RAB4A: variants seen among roughly 807,000 people sequenced by gnomAD.
RAB4A encodes the protein ras-related protein Rab-4A.
Under a neutral mutation model 34.5 loss-of-function variants are expected in RAB4A, and 20 were observed. The observed-to-expected ratio is 0.58, with a 90% confidence interval of 0.41 to 0.84. The LOEUF (loss-of-function observed/expected upper bound fraction) is 0.84. Ranked by LOEUF, RAB4A falls within the 40% of genes least tolerant of loss-of-function variation. RAB4A has a pLI of 0.00. For synonymous variants in RAB4A, 102 were observed against 100.0 expected (o/e 1.02, Z -0.12); for missense variants, 228 against 274.5 (o/e 0.83, Z 1.20).
rs142049836 is a variant in RAB4A, at chr1:229,272,914, C to T, written c.31+1544C>T. Among the ~76,000 whole-genome samples the T allele has an allele frequency of 2.6e-3, 392 of 152,322 alleles. 10 individuals are homozygous for T. Among genetic ancestry groups the T allele is most frequent in the Admixed American group, 0.023 (355 of 15,298 alleles). On this transcript the variant is annotated intron_variant, in intron 1 of 7. Coordinates refer to ENST00000366690, the MANE Select transcript of RAB4A (RefSeq NM_004578.4). ...AAATCCTCCAGTAAGTCGATGCCTT[C>T]ATCAGGACAAGTGTTTGCAAATGTT...
rs985674073 is a variant in RAB4A at position 229,271,188 on chromosome 1, G to A, written c.-152G>A. 9 of 730,546 alleles carry A rather than the reference G, an allele frequency of 1.2e-5. No homozygotes were observed. The highest frequency in any genetic ancestry group is 4.7e-4 in the Middle Eastern group (1 of 2,110). The allele number at this position is 730,546 out of a possible 1,614,324, so 45.3% of individuals were successfully genotyped here. A position where few individuals can be genotyped will look rare whatever the true frequency, so the allele number is the denominator to read the frequency against. The stretch of plus-strand genomic sequence containing the variant: ...CGCGGAGCTGGAGTCCGGCTGGGCC[G>A]CAGCCGCTGGGAGACCGGCGGTTGC... On this transcript the variant is annotated 5_prime_UTR_variant, in exon 1 of 8. Transcript: ENST00000366690.
chr1:229,278,669 C>G (rs532830174), intron 1 of RAB4A, among the ~76,000 whole-genome samples: 1 of 152,342 alleles, frequency 6.6e-6, no homozygotes, highest in African/African-American at 2.4e-5. Flanking sequence ...CCCTCCTTTT[C>G]CCTTTCCACT....
rs1348268056 is a variant in RAB4A, at chr1:229,271,566, T to TGCGCGGG, written c.31+205_31+211dup. On this transcript the variant is annotated intron_variant, in intron 1 of 7. Transcript: ENST00000366690. ...CTGGGGGCTCGGGTGGGGTAGCGGG[T>TGCGCGGG]GCGCGGGGCGCGGGGGCGCTGTGCA... Among the ~76,000 whole-genome samples, 269 of 151,304 alleles carry TGCGCGGG rather than the reference T, an allele frequency of 1.8e-3. 1 individual carries two copies. The highest frequency in any genetic ancestry group is 6.0e-3 in the African/African-American group (245 of 41,156).
At chr1:229,293,625 G>C (rs536131262) in intron 3 of RAB4A, among the ~76,000 whole-genome samples, 1 of 152,188 alleles carries the variant, frequency 6.6e-6, no homozygotes, top group Non-Finnish European at 1.5e-5. Flanking sequence ...GGGATCCTCT[G>C]GTGAGTGAGA....
chr1:229,299,176 TTC>T (rs1161170734), intron 6 of RAB4A, 104 bp downstream of exon 6: 8 of 797,216 alleles, frequency 1.0e-5, no homozygotes, highest in African/African-American at 1.8e-5. Flanking sequence ...GTAAAGAATG[TTC>T]TCTCTCTACC....
intron 3 of RAB4A, among the ~76,000 whole-genome samples, chr1:229,294,531 A>T (rs1020182672): frequency 6.6e-6 from 1 of 152,244 alleles, no homozygotes; most frequent in Admixed American, 6.5e-5. Context: ...GCAGGTAAAG[A>T]CAGCTCTTTC....
At chr1:229,277,459 A>G (rs1558234723) in intron 1 of RAB4A, among the ~76,000 whole-genome samples, 1 of 151,088 alleles carries the variant, frequency 6.6e-6, no homozygotes, top group Non-Finnish European at 1.5e-5. Context: ...CCAGCATTTC[A>G]TCAAGGTTCC....
chr1:229,278,022 G>A (rs375785070), intron 1 of RAB4A, among the ~76,000 whole-genome samples: 4 of 151,756 alleles, frequency 2.6e-5, no homozygotes, highest in African/African-American at 9.7e-5. Context: ...GCGCCACCAC[G>A]CCTGGCTCAT....
chr1:229,303,414 T>C (rs1350843445), intron 7 of RAB4A, among the ~76,000 whole-genome samples: 1 of 151,780 alleles, frequency 6.6e-6, no homozygotes, highest in Non-Finnish European at 1.5e-5. Context: ...ATGTTCTAAC[T>C]GAAAGAATTT....
intron 1 of RAB4A, 27 bp from the exon 2 acceptor site, chr1:229,286,459 T>C: frequency 7.1e-7 from 1 of 1,402,822 alleles, no homozygotes; most frequent in Non-Finnish European, 9.9e-7. Flanking sequence ...TTTGAAGTTA[T>C]TTTCACAGTC....
At chr1:229,272,058 G>A (rs1355150601) in intron 1 of RAB4A, among the ~76,000 whole-genome samples, 1 of 151,870 alleles carries the variant, frequency 6.6e-6, no homozygotes, top group African/African-American at 2.4e-5. Flanking sequence ...CAGACCTGGA[G>A]GTGCTTGACA....
rs237764 is a variant in RAB4A, at chr1:229,286,446, T to G, written c.32-40T>G. On this transcript the variant is annotated intron_variant, in intron 1 of 7. Transcript: ENST00000366690. ...TGATCTAAGAAGAAATTCACAGCAC[T>G]ATTTTGAAGTTATTTTCACAGTCTC... 1.6e-4 allele frequency: 195 copies of G among 1,235,758 alleles called. No individual in the cohort carries two copies. In the African/African-American group the frequency reaches 2.8e-3, roughly 18 times the overall value. 76.5% of individuals were successfully genotyped at this position (1,235,758 alleles called of 1,614,324 possible).
rs373038689 is a variant in RAB4A, at chr1:229,286,468, T to C, written c.32-18T>C. ...CACTATTTTGAAGTTATTTTCACAGTCTCTTTTTATCTTTCAGATTTTTTG... is the reference window on the plus strand; with the variant it reads ...CACTATTTTGAAGTTATTTTCACAGCCTCTTTTTATCTTTCAGATTTTTTG... On this transcript the variant is annotated intron_variant, in intron 1 of 7. Transcript: ENST00000366690. The C allele has an allele frequency of 5.4e-6, 8 of 1,469,312 alleles. No individual in the cohort carries two copies. Among genetic ancestry groups the C allele is most frequent in the South Asian group, 1.3e-5 (1 of 79,512 alleles). 91.0% of individuals were successfully genotyped at this position (1,469,312 alleles called of 1,614,324 possible).
At chr1:229,292,231 TAAAA>T (rs1429065950) in intron 3 of RAB4A, among the ~76,000 whole-genome samples, 3 of 145,218 alleles carry the variant, frequency 2.1e-5, no homozygotes, top group Admixed American at 2.1e-4. Context: ...AATAAATAAA[TAAAA>T]GGAAAAAAAA....
intron 1 of RAB4A, 122 bp downstream of exon 1, chr1:229,271,492 G>C: frequency 1.2e-6 from 1 of 828,994 alleles, no homozygotes; most frequent in Non-Finnish European, 1.5e-6. Flanking sequence ...GCCGGGGGAC[G>C]GATCTCGGAG....
At chr1:229,287,457 C>G (rs1255018876) in intron 2 of RAB4A, among the ~76,000 whole-genome samples, 1 of 152,180 alleles carries the variant, frequency 6.6e-6, no homozygotes, top group African/African-American at 2.4e-5. Flanking sequence ...TATTCATTCA[C>G]TGGATAGTTT....
intron 1 of RAB4A, among the ~76,000 whole-genome samples, chr1:229,272,220 A>G (rs549768880): frequency 2.3e-4 from 34 of 151,080 alleles, no homozygotes; most frequent in Non-Finnish European, 3.8e-4. Context: ...GTCCCTAATC[A>G]CTCTTTCAGA....
intron 1 of RAB4A, among the ~76,000 whole-genome samples, chr1:229,280,362 A>G (rs528057642): frequency 6.6e-6 from 1 of 152,204 alleles, no homozygotes; most frequent in Non-Finnish European, 1.5e-5. Context: ...ATAATTCATT[A>G]TCTCCTTATA....
In RAB4A at chr1:229,305,431, T is replaced by A. The variant is rs1431556413; in HGVS notation, c.*1638T>A. ...AAATGTAAAGTTGTTTTATAAACGA[T>A]CCTGTTAATTAAACCACAGACACCA... On this transcript the variant is annotated 3_prime_UTR_variant, in exon 8 of 8. Coordinates refer to ENST00000366690, the MANE Select transcript of RAB4A (RefSeq NM_004578.4). 2.5e-6 allele frequency: 2 copies of A among 791,824 alleles called. No individual in the cohort carries two copies. Among genetic ancestry groups the A allele is most frequent in the East Asian group, 6.1e-5 (2 of 32,548 alleles). The allele number at this position is 791,824 out of a possible 1,614,324, so 49.0% of individuals were successfully genotyped here.
Sources: gnomAD v4.1 joint callset for allele counts (sites outside exome capture counted in the v4.1 genomes callset) on GRCh38, gnomAD v4.1.1 for gene constraint, MANE v1.5 for transcripts, NCBI Gene and HGNC (gene_info 2026-07-23, HGNC 2026-07-21) for gene names.